Variants in MRC2 observed in about 807,000 individuals in gnomAD.
MRC2 encodes the protein C-type mannose receptor 2.
A neutral mutation model predicts 206.2 loss-of-function variants in MRC2; 84 were observed. That is an observed-to-expected ratio of 0.41 (90% CI 0.34 to 0.49). MRC2 has a LOEUF of 0.49. Among genes scored for constraint, MRC2 ranks in the 20% least tolerant of loss-of-function variants. The pLI is 0.31. For synonymous variants in MRC2, 798 were observed against 800.0 expected (o/e 1.00, Z 0.04); for missense variants, 1,676 against 2,001.5 (o/e 0.84, Z 3.10).
chr17:62,691,634 G>A (rs1313400110), intron 28 of MRC2, among the ~76,000 whole-genome samples: 3 of 152,062 alleles, frequency 2.0e-5, no homozygotes, highest in African/African-American at 7.3e-5. Context: ...AGCTGGGCGT[G>A]GTAGCACATG....
At chr17:62,631,783 C>T (rs774902958) in intron 1 of MRC2, among the ~76,000 whole-genome samples, 2 of 152,176 alleles carry the variant, frequency 1.3e-5, no homozygotes, top group Non-Finnish European at 2.9e-5. Context: ...AAGTGAGTGA[C>T]TCAAGGTGCC....
chr17:62,642,601 C>T (rs1435423479), intron 1 of MRC2, among the ~76,000 whole-genome samples: 1 of 152,134 alleles, frequency 6.6e-6, no homozygotes, highest in East Asian at 1.9e-4. Flanking sequence ...TGCCTGACAC[C>T]ATGCCCGGCT....
intron 1 of MRC2, among the ~76,000 whole-genome samples, chr17:62,648,423 C>T (rs1020782625): frequency 3.3e-5 from 5 of 152,128 alleles, no homozygotes; most frequent in Non-Finnish European, 5.9e-5. Flanking sequence ...GGGGTGTGGG[C>T]GCTGCCCCAC....
chr17:62,627,996 T>C, intron 1 of MRC2, 76 bp downstream of exon 1: 11 of 934,164 alleles, frequency 1.2e-5, no homozygotes, highest in Non-Finnish European at 1.6e-5. Context: ...TCTCGACTTT[T>C]CCCTCCTTTT....
At chr17:62,689,478 G>T in intron 23 of MRC2, 44 bp from the exon 24 acceptor site, 1 of 1,316,752 alleles carries the variant, frequency 7.6e-7, no homozygotes, top group South Asian at 1.4e-5. Flanking sequence ...GGAACGGGGT[G>T]AGGGAAGCAG....
At chr17:62,630,096 C>G (rs1341919610) in intron 1 of MRC2, among the ~76,000 whole-genome samples, 1 of 152,172 alleles carries the variant, frequency 6.6e-6, no homozygotes. Context: ...GTTTGCTCAG[C>G]CTTGAGCCAA....
intron 2 of MRC2, 87 bp downstream of exon 2, chr17:62,665,036 C>A: frequency 7.0e-7 from 1 of 1,422,272 alleles, no homozygotes; most frequent in Non-Finnish European, 9.4e-7. Context: ...GTGACAAGGC[C>A]TTTGGCCTCT....
chr17:62,690,542 CCTCTA>C, intron 26 of MRC2, 95 bp from the exon 27 acceptor site: 1 of 1,502,042 alleles, frequency 6.7e-7, no homozygotes, highest in South Asian at 1.3e-5. Context: ...TCCACACCAT[CCTCTA>C]CTCAGGCTGC....
chr17:62,653,406 G>T (rs958598894), intron 1 of MRC2, among the ~76,000 whole-genome samples: 3 of 152,102 alleles, frequency 2.0e-5, no homozygotes, highest in Non-Finnish European at 4.4e-5. Context: ...TGGAGGATCA[G>T]CAAAACCGCG....
intron 1 of MRC2, among the ~76,000 whole-genome samples, chr17:62,635,406 C>T (rs1315839626): frequency 1.3e-5 from 2 of 152,088 alleles, no homozygotes; most frequent in African/African-American, 2.4e-5. Flanking sequence ...TTCATCCTTA[C>T]ACTTCTCTAT....
In MRC2 at chr17:62,672,277, C is replaced by A; in HGVS notation, c.1461+125C>A. ...CTGGAACCTCTTACCTCTCAGCAGT[C>A]CCCCTCCTCCCCACCAATGCCTTCC... On this transcript the variant is annotated intron_variant, in intron 8 of 29. Coordinates refer to ENST00000303375, the MANE Select transcript of MRC2 (RefSeq NM_006039.5). The surrounding 1 kb of genome is among the most constrained non-coding windows in gnomAD (Gnocchi z 4.5). The A allele has an allele frequency of 9.3e-7, 1 of 1,072,700 alleles. No individual in the cohort carries two copies. Among genetic ancestry groups the A allele is most frequent in the Non-Finnish European group, 1.4e-6 (1 of 733,910 alleles). The allele number at this position is 1,072,700 out of a possible 1,614,324, so 66.4% of individuals were successfully genotyped here. A position where few individuals can be genotyped will look rare whatever the true frequency, so the allele number is the denominator to read the frequency against.
At chr17:62,632,043 C>T (rs2084220204) in intron 1 of MRC2, among the ~76,000 whole-genome samples, 1 of 152,114 alleles carries the variant, frequency 6.6e-6, no homozygotes, top group East Asian at 1.9e-4. Flanking sequence ...GGCCGCTTTC[C>T]CACGCCTGGG....
chr17:62,690,730 C>A lies in MRC2; in HGVS notation c.3981C>A (p.Gly1327=). 1.9e-6 allele frequency: 3 copies of A among 1,611,372 alleles called. No homozygotes were observed. The highest frequency in any genetic ancestry group is 2.5e-6 in the Non-Finnish European group (3 of 1,178,928). Residue 1327 remains glycine, a synonymous_variant, in exon 27 of 30, where the codon GGC becomes GGA. Transcript: ENST00000303375. ...HLQSYEGQSR[G]AWLGMNFNPK... ...AGAGCTATGAGGGCCAGAGTCGGGGCGCCTGGCTGGGCATGAACTTCAACC... is the reference window on the plus strand; with the variant it reads ...AGAGCTATGAGGGCCAGAGTCGGGGAGCCTGGCTGGGCATGAACTTCAACC...
chr17:62,668,429 A>G (rs1337942754), intron 6 of MRC2, among the ~76,000 whole-genome samples: 1 of 151,898 alleles, frequency 6.6e-6, no homozygotes, highest in East Asian at 1.9e-4. Flanking sequence ...AAAAAAATGG[A>G]TGGTGCCTGT....
At position 62,680,422 on chromosome 17, in the gene MRC2, G is replaced by A. The variant is rs370103289; in HGVS notation, c.2442G>A (p.Thr814=). The change falls in exon 16 of 30, where the codon ACG becomes ACA. Residue 814 remains threonine, a synonymous_variant. Coordinates refer to ENST00000303375, the MANE Select transcript of MRC2 (RefSeq NM_006039.5). This position sits in a 1 kb window ranked among gnomAD's most constrained non-coding sequence, Gnocchi z 4.8. ...LDWICKIPRG[T]DVREPDDSPQ... Reference sequence around the variant, plus strand: ...TCTTTGTCCTTGTTCCCCTAGGTACGGACGTGCGGGAGCCCGACGACAGCC... The same window carrying A: ...TCTTTGTCCTTGTTCCCCTAGGTACAGACGTGCGGGAGCCCGACGACAGCC... 16 of 1,613,994 alleles carry A rather than the reference G, an allele frequency of 9.9e-6. No individual in the cohort carries two copies. Among genetic ancestry groups the A allele is most frequent in the Non-Finnish European group, 1.4e-5 (16 of 1,180,014 alleles).
At position 62,671,269 on chromosome 17, in the gene MRC2, C is replaced by G. The variant is rs1218298763; in HGVS notation, c.1118-380C>G. Among the ~76,000 whole-genome samples the G allele has an allele frequency of 6.6e-6, 1 of 152,092 alleles. No individual in the cohort carries two copies. The highest frequency in any genetic ancestry group is 1.5e-5 in the Non-Finnish European group (1 of 68,024). ...ATTTTTTATAGAGATGGGGTCTCCC[C>G]TTTGTTGCCCAGTCTGTTCTTGAAC... On this transcript the variant is annotated intron_variant, in intron 6 of 29. Transcript: ENST00000303375. The surrounding 1 kb of genome is among the most constrained non-coding windows in gnomAD (Gnocchi z 4.5).
At chr17:62,635,384 A>C (rs2041286) in intron 1 of MRC2, among the ~76,000 whole-genome samples, 82,976 of 151,598 alleles carry the variant, frequency 0.55, 23,643 homozygotes, top group East Asian at 0.81. Context: ...CATCCTCTTT[A>C]TCACCTTCCT....
At chr17:62,634,657 G>A (rs1332475547) in intron 1 of MRC2, among the ~76,000 whole-genome samples, 5 of 151,964 alleles carry the variant, frequency 3.3e-5, no homozygotes, top group Non-Finnish European at 4.4e-5. Context: ...TCTATACTGC[G>A]TGCTGTTTTT....
intron 2 of MRC2, among the ~76,000 whole-genome samples, chr17:62,665,685 C>T (rs531357129): frequency 2.0e-5 from 3 of 152,234 alleles, no homozygotes; most frequent in African/African-American, 4.8e-5. Flanking sequence ...TGGACAGCCC[C>T]GTCCTGGGGG....
Sources: allele counts gnomAD v4.1 joint callset (sites outside exome capture counted in the v4.1 genomes callset), GRCh38; gene constraint gnomAD v4.1.1; non-coding constraint Gnocchi (gnomAD v3.1); transcripts MANE v1.5; gene names NCBI Gene and HGNC (gene_info 2026-07-23, HGNC 2026-07-21).